The following PAM variants were observed in gnomAD, a reference collection of about 807,000 sequenced individuals.
PAM encodes peptidylglycine alpha-amidating monooxygenase, also known as peptidyl-glycine alpha-amidating monooxygenase.
A neutral mutation model predicts 122.1 loss-of-function variants in PAM; 72 were observed. The ratio of observed to expected loss-of-function variants is 0.59; its 90% CI spans 0.49 to 0.72. The LOEUF is 0.72. PAM is among the 30% of genes least tolerant of loss of function. The pLI is 0.00. For missense variants in PAM, 1,106 were observed against 1,183.7 expected, an observed-to-expected ratio of 0.93 and a Z score of 0.96; for synonymous variants, 389 against 404.4, an observed-to-expected ratio of 0.96 and a Z score of 0.46.
chr5:102,974,220 G>C lies in PAM; in HGVS notation c.1267G>C (p.Val423Leu). Reference protein sequence around the residue: ...TEKAESESDLVAEIANVVQKK... With the variant: ...TEKAESESDLLAEIANVVQKK... The stretch of plus-strand genomic sequence containing the variant: ...AAAGGCAGAATCAGAGTCAGACCTG[G>C]TAGCTGAGATTGCAAATGTAGTCCA... Residue 423 changes from valine (V) to leucine (L), a missense_variant, in exon 15 of 26, where the codon GTA becomes CTA. By Grantham distance (32) the Val-to-Leu change is conservative. Coordinates refer to ENST00000438793, the MANE Select transcript of PAM (RefSeq NM_001177306.2). The C allele has an allele frequency of 1.9e-6, 3 of 1,613,864 alleles. No individual in the cohort carries two copies. Among genetic ancestry groups the C allele is most frequent in the Non-Finnish European group, 2.5e-6 (3 of 1,179,802 alleles).
At chr5:102,982,042 G>A (rs928198919) in intron 15 of PAM, among the ~76,000 whole-genome samples, 2 of 152,074 alleles carry the variant, frequency 1.3e-5, no homozygotes, top group African/African-American at 2.4e-5. Context: ...CACTGCCCCT[G>A]CCAGTGCCTG....
chr5:103,002,376 A>G (rs1777665833), intron 16 of PAM, among the ~76,000 whole-genome samples: 3 of 152,166 alleles, frequency 2.0e-5, no homozygotes, highest in Admixed American at 6.5e-5. Context: ...AAGTTTTTTA[A>G]TTAATTATTG....
intron 12 of PAM, 23 bp from the exon 13 acceptor site, chr5:102,959,852 T>C: frequency 6.4e-7 from 1 of 1,566,946 alleles, no homozygotes; most frequent in Non-Finnish European, 8.8e-7. Flanking sequence ...AGTTGATTTG[T>C]TATATCTTTT....
intron 21 of PAM, among the ~76,000 whole-genome samples, chr5:103,012,485 T>C (rs1445641749): frequency 6.6e-6 from 1 of 152,204 alleles, no homozygotes; most frequent in Non-Finnish European, 1.5e-5. Context: ...TGCATGTGGA[T>C]ATCCAGTTTT....
At chr5:102,828,737 G>A (rs569863944) in intron 1 of PAM, among the ~76,000 whole-genome samples, 2 of 152,194 alleles carry the variant, frequency 1.3e-5, no homozygotes, top group Non-Finnish European at 2.9e-5. Flanking sequence ...GGAGATTTAG[G>A]ATTAGAGCTA....
intron 1 of PAM, among the ~76,000 whole-genome samples, chr5:102,763,876 T>A (rs1348784480): frequency 6.6e-6 from 1 of 152,146 alleles, no homozygotes; most frequent in Non-Finnish European, 1.5e-5. Flanking sequence ...GTGTTTTAGG[T>A]CGGAGCTGGG....
chr5:102,908,236 T>C (rs1355641234), intron 4 of PAM, among the ~76,000 whole-genome samples: 1 of 152,054 alleles, frequency 6.6e-6, no homozygotes, highest in African/African-American at 2.4e-5. Context: ...GGGAGTCCTT[T>C]CCCCATTGCT....
rs143174653 is a variant in PAM, at chr5:102,780,616, A to ACT, written c.-374+25271_-374+25272dup. The stretch of plus-strand genomic sequence containing the variant: ...GTACCTCCCGACTGAACTCCTGCCT[A>ACT]CTCTTGCTGGCAGCTCTCCCCACAC... On this transcript the variant is annotated intron_variant, in intron 1 of 25. Coordinates refer to ENST00000438793, the MANE Select transcript of PAM (RefSeq NM_001177306.2). 3.0e-3 allele frequency among the ~76,000 whole-genome samples: 448 copies of ACT among 151,696 alleles called. 3 individuals carry two copies. Among genetic ancestry groups the ACT allele is most frequent in the African/African-American group, 0.011 (437 of 41,322 alleles).
intron 1 of PAM, among the ~76,000 whole-genome samples, chr5:102,825,612 C>T (rs1773366585): frequency 6.6e-6 from 1 of 152,118 alleles, no homozygotes; most frequent in Admixed American, 6.6e-5. Flanking sequence ...CTTTGATCCT[C>T]AGTTTCAATA....
At chr5:102,863,785 TG>T (rs1419068659) in intron 1 of PAM, among the ~76,000 whole-genome samples, 2 of 151,230 alleles carry the variant, frequency 1.3e-5, no homozygotes, top group Admixed American at 6.6e-5. Context: ...TAGGTGGACA[TG>T]TTTTTTTTTT....
chr5:102,869,530 C>T (rs1786701065), intron 3 of PAM, among the ~76,000 whole-genome samples: 1 of 152,204 alleles, frequency 6.6e-6, no homozygotes, highest in African/African-American at 2.4e-5. Context: ...CCTGACAGCT[C>T]AGAACTGCTT....
chr5:103,015,261 T>C (rs1781650778), intron 21 of PAM, among the ~76,000 whole-genome samples: 1 of 152,208 alleles, frequency 6.6e-6, no homozygotes, highest in Non-Finnish European at 1.5e-5. Context: ...TTTTACTTAA[T>C]ATTAAGTACA....
chr5:102,976,460 A>G (rs1185686069), intron 15 of PAM, among the ~76,000 whole-genome samples: 2 of 152,090 alleles, frequency 1.3e-5, no homozygotes, highest in East Asian at 3.9e-4. Flanking sequence ...AATAAAACTT[A>G]TTAGTAATCT....
chr5:102,892,953 A>T (rs1047681636), intron 3 of PAM, among the ~76,000 whole-genome samples: 5 of 151,840 alleles, frequency 3.3e-5, no homozygotes, highest in African/African-American at 1.2e-4. Flanking sequence ...GTAGGCAAAG[A>T]AAATAAATAT....
chr5:102,779,918 T>TATATATATATATATATATACACACAC (rs147065045), intron 1 of PAM, among the ~76,000 whole-genome samples: 29 of 95,654 alleles, frequency 3.0e-4, no homozygotes, highest in Middle Eastern at 5.3e-3. Context: ...TATATATATA[T>TATATATATATATATATATACACACAC]ACACACATAT....
intron 1 of PAM, among the ~76,000 whole-genome samples, chr5:102,784,034 A>C (rs111995713): frequency 0.028 from 4,268 of 152,008 alleles, 116 homozygotes; most frequent in East Asian, 0.14. Context: ...GCTGGGACTA[A>C]AGGCGCCCGC....
chr5:102,845,373 G>A (rs1779718073), intron 1 of PAM, among the ~76,000 whole-genome samples: 1 of 152,184 alleles, frequency 6.6e-6, no homozygotes, highest in Admixed American at 6.5e-5. Context: ...CAGGCATTTT[G>A]AGTGTGGAAA....
intron 1 of PAM, among the ~76,000 whole-genome samples, chr5:102,792,311 TA>T (rs1287485572): frequency 3.3e-5 from 5 of 152,216 alleles, no homozygotes; most frequent in Non-Finnish European, 7.4e-5. Flanking sequence ...ATGAAATCTT[TA>T]TTGTCATAAA....
chr5:102,869,340 G>A (rs1786615364), intron 3 of PAM, among the ~76,000 whole-genome samples: 1 of 152,192 alleles, frequency 6.6e-6, no homozygotes, highest in African/African-American at 2.4e-5. Flanking sequence ...AGGGAGCCAT[G>A]CCTATAATAA....
Sources: allele counts gnomAD v4.1 joint callset (sites outside exome capture counted in the v4.1 genomes callset), GRCh38; gene constraint gnomAD v4.1.1; transcripts MANE v1.5; gene names NCBI Gene and HGNC (gene_info 2026-07-23, HGNC 2026-07-21).